Variants in C12orf42 observed in about 807,000 individuals in gnomAD.
C12orf42 encodes chromosome 12 open reading frame 42, also known as uncharacterized protein C12orf42.
In C12orf42, 25 loss-of-function variants were observed where a neutral mutation model predicts 21.6. That is an observed-to-expected ratio of 1.16 (90% CI 0.84 to 1.62). C12orf42 has a LOEUF of 1.62. Ranked by LOEUF, C12orf42 falls within the 40% of genes most tolerant of loss-of-function variation. The pLI, the probability that C12orf42 is intolerant of heterozygous loss-of-function variation, is 0.00. For missense variants in C12orf42, 483 were observed against 459.3 expected (o/e 1.05, Z -0.47); for synonymous variants, 174 against 175.0 (o/e 0.99, Z 0.05).
intron 4 of C12orf42, among the ~76,000 whole-genome samples, chr12:103,317,549 T>C (rs981474327): frequency 6.6e-6 from 1 of 152,216 alleles, no homozygotes; most frequent in Non-Finnish European, 1.5e-5. Context: ...TTTAAAAACA[T>C]TGGTCTGAGA....
chr12:103,447,153 T>C (rs1951633411), intron 2 of C12orf42, among the ~76,000 whole-genome samples: 1 of 151,894 alleles, frequency 6.6e-6, no homozygotes, highest in Non-Finnish European at 1.5e-5. Context: ...CAAAATTATA[T>C]AGAGTACTCT....
chr12:103,479,792 C>T (rs762275994), intron 1 of C12orf42, among the ~76,000 whole-genome samples: 14 of 151,924 alleles, frequency 9.2e-5, no homozygotes, highest in African/African-American at 1.9e-4. Flanking sequence ...TAAAAAACAA[C>T]GCAGTCATAA....
chr12:103,463,716 C>T (rs1490517755), intron 2 of C12orf42, among the ~76,000 whole-genome samples: 1 of 152,168 alleles, frequency 6.6e-6, no homozygotes, highest in Non-Finnish European at 1.5e-5. Flanking sequence ...AGCCCACATG[C>T]ATTAACTATT....
intron 4 of C12orf42, among the ~76,000 whole-genome samples, chr12:103,353,541 G>A (rs1181439306): frequency 6.6e-6 from 1 of 152,048 alleles, no homozygotes; most frequent in Non-Finnish European, 1.5e-5. Flanking sequence ...GAGTGTTTAT[G>A]TGAGGGCCAG....
chr12:103,058,768 T>G, the C12orf42 span, among the ~76,000 whole-genome samples: 37 of 152,302 alleles, frequency 2.4e-4, no homozygotes, highest in South Asian at 2.5e-3. Flanking sequence ...AACCAAGAAG[T>G]TCTTTGAAAC....
Position 103,364,930 on chromosome 12 carries a change from A to T in C12orf42, c.259+3957T>A, listed in dbSNP as rs117924507. The stretch of plus-strand genomic sequence containing the variant: ...CAAAGAATTGGTACCAATCCTATTG[A>T]CAGTATTCCACAAGATACAGAAAGA... On this transcript the variant is annotated intron_variant, in intron 4 of 5. Coordinates refer to ENST00000548883, the MANE Select transcript of C12orf42 (RefSeq NM_198521.5). Among the ~76,000 whole-genome samples the T allele has an allele frequency of 2.0e-4, 31 of 152,216 alleles. No individual in the cohort carries two copies. The East Asian group carries it at 5.6e-3, about 28-fold the overall frequency.
chr12:103,474,208 G>GA (rs975120591), intron 2 of C12orf42, among the ~76,000 whole-genome samples: 1 of 151,966 alleles, frequency 6.6e-6, no homozygotes, highest in Non-Finnish European at 1.5e-5. Context: ...TAGGAAGGCA[G>GA]ACACAAAAAA....
the C12orf42 span, among the ~76,000 whole-genome samples, chr12:103,130,741 C>A: frequency 2.0e-5 from 3 of 152,188 alleles, no homozygotes; most frequent in Non-Finnish European, 4.4e-5. Context: ...GGAGGCTGAG[C>A]CTCATCACCT....
intron 4 of C12orf42, among the ~76,000 whole-genome samples, chr12:103,311,914 G>C (rs1260658876): frequency 6.6e-6 from 1 of 152,150 alleles, no homozygotes; most frequent in Non-Finnish European, 1.5e-5. Flanking sequence ...ACTCATCAGA[G>C]ATTTCAGGTG....
At chr12:103,240,876 A>G (rs1383670369) in intron 10 of C12orf42, among the ~76,000 whole-genome samples, 1 of 152,178 alleles carries the variant, frequency 6.6e-6, no homozygotes, top group African/African-American at 2.4e-5. Context: ...AGCACTTAAT[A>G]TAATATTTAA....
At chr12:103,541,336 G>C in the C12orf42 span, among the ~76,000 whole-genome samples, 2 of 152,168 alleles carry the variant, frequency 1.3e-5, no homozygotes, top group East Asian at 3.9e-4. Context: ...TAATCACATA[G>C]AGTTATGCTC....
At chr12:103,049,850 C>G in the C12orf42 span, among the ~76,000 whole-genome samples, 1 of 152,032 alleles carries the variant, frequency 6.6e-6, no homozygotes, top group Non-Finnish European at 1.5e-5. Context: ...CAGATGTCAC[C>G]TTCTCAGCAA....
chr12:103,369,713 G>A (rs936030237), intron 3 of C12orf42, among the ~76,000 whole-genome samples: 3 of 152,122 alleles, frequency 2.0e-5, no homozygotes, highest in African/African-American at 7.2e-5. Flanking sequence ...AAGGTCAAAA[G>A]TAAGGATCCA....
At chr12:103,359,180 A>G (rs2043854969) in intron 4 of C12orf42, among the ~76,000 whole-genome samples, 1 of 152,000 alleles carries the variant, frequency 6.6e-6, no homozygotes, top group African/African-American at 2.4e-5. Flanking sequence ...TTCTCATTCA[A>G]TAATCTTTTT....
chr12:103,161,277 G>A, the C12orf42 span, among the ~76,000 whole-genome samples: 2 of 152,042 alleles, frequency 1.3e-5, no homozygotes, highest in Non-Finnish European at 2.9e-5. Flanking sequence ...ATTGAAAGGT[G>A]GGATTGAAAA....
the C12orf42 span, among the ~76,000 whole-genome samples, chr12:103,211,425 C>A: frequency 2.0e-5 from 3 of 152,158 alleles, no homozygotes; most frequent in African/African-American, 7.2e-5. Flanking sequence ...GCAGCCTGAG[C>A]CTGTTACTAC....
the C12orf42 span, among the ~76,000 whole-genome samples, chr12:103,218,752 G>C: frequency 1.3e-5 from 2 of 152,194 alleles, no homozygotes; most frequent in Non-Finnish European, 2.9e-5. Flanking sequence ...CAGAAAATAA[G>C]AAAAGCTATT....
the C12orf42 span, among the ~76,000 whole-genome samples, chr12:103,079,399 G>A: frequency 6.6e-6 from 1 of 152,128 alleles, no homozygotes; most frequent in Admixed American, 6.6e-5. Context: ...TAGGTCAAAA[G>A]CAAACAAGGA....
chr12:103,048,716 A>G, the C12orf42 span, among the ~76,000 whole-genome samples: 2 of 152,184 alleles, frequency 1.3e-5, no homozygotes, highest in Non-Finnish European at 1.5e-5. Context: ...ATGAGCAGAA[A>G]TAAAATAAAG....
Sources: allele counts gnomAD v4.1 joint callset (sites outside exome capture counted in the v4.1 genomes callset), GRCh38; gene constraint gnomAD v4.1.1; transcripts MANE v1.5; gene names NCBI Gene and HGNC (gene_info 2026-07-23, HGNC 2026-07-21).